Variants in LRCH3 observed in about 807,000 individuals in gnomAD.
LRCH3 encodes the protein leucine rich repeats and calponin homology domain containing 3.
A neutral mutation model predicts 104.5 loss-of-function variants in LRCH3; 68 were observed. The ratio of observed to expected loss-of-function variants is 0.65; its 90% CI spans 0.54 to 0.80. The LOEUF is 0.80. Ranked by LOEUF, LRCH3 falls within the 30% of genes least tolerant of loss-of-function variation. The pLI, the probability that LRCH3 is intolerant of heterozygous loss-of-function variation, is 0.00. For missense variants in LRCH3, 951 were observed against 953.9 expected, an observed-to-expected ratio of 1.00 and a Z score of 0.04; for synonymous variants, 344 against 361.3, an observed-to-expected ratio of 0.95 and a Z score of 0.54.
At chr3:197,836,077 G>T (rs1736754043) in intron 9 of LRCH3, among the ~76,000 whole-genome samples, 1 of 152,140 alleles carries the variant, frequency 6.6e-6, no homozygotes, top group Admixed American at 6.5e-5. Flanking sequence ...AAGAAGTCTA[G>T]GTACTGTTAA....
At chr3:197,816,771 TAA>T (rs1733850557) in intron 2 of LRCH3, among the ~76,000 whole-genome samples, 1 of 152,226 alleles carries the variant, frequency 6.6e-6, no homozygotes, top group Non-Finnish European at 1.5e-5. Flanking sequence ...AAGTAGATTA[TAA>T]GTTTTGTTTA....
chr3:197,799,331 T>G (rs887067782), intron 1 of LRCH3, among the ~76,000 whole-genome samples: 2 of 152,232 alleles, frequency 1.3e-5, no homozygotes, highest in Non-Finnish European at 2.9e-5. Context: ...AATGTGGTAA[T>G]TCACACAAAG....
At chr3:197,817,129 T>C (rs905254944) in intron 2 of LRCH3, 47 bp from the exon 3 acceptor site, 1 of 1,536,066 alleles carries the variant, frequency 6.5e-7, no homozygotes. Context: ...AAAATTTTTC[T>C]TCAGTGGTGG....
At chr3:197,792,771 C>T (rs1730764633) in intron 1 of LRCH3, among the ~76,000 whole-genome samples, 1 of 150,460 alleles carries the variant, frequency 6.6e-6, no homozygotes, top group Non-Finnish European at 1.5e-5. Flanking sequence ...CCCACCTCAG[C>T]CTCCCGAGTA....
intron 20 of LRCH3, among the ~76,000 whole-genome samples, chr3:197,880,114 T>A (rs1278081039): frequency 6.7e-6 from 1 of 150,134 alleles, no homozygotes; most frequent in Non-Finnish European, 1.5e-5. Context: ...CCCGGCTAAT[T>A]TTTTGTATTT....
chr3:197,878,550 G>T (rs936594057), intron 20 of LRCH3, among the ~76,000 whole-genome samples: 1 of 152,132 alleles, frequency 6.6e-6, no homozygotes, highest in African/African-American at 2.4e-5. Context: ...TCACCAGAAA[G>T]AGGAAATGGA....
chr3:197,813,629 C>G lies in LRCH3; in HGVS notation c.263-1279C>G, dbSNP rs113499718. Reference sequence around the variant, plus strand: ...CACTGCAACCTCTGCCTCCCAGGTTCAAGCGATTCTCCTGCCTCAGCCTCC... The same window carrying G: ...CACTGCAACCTCTGCCTCCCAGGTTGAAGCGATTCTCCTGCCTCAGCCTCC... On this transcript the variant is annotated intron_variant, in intron 1 of 20. Transcript: ENST00000425562. Among the ~76,000 whole-genome samples the G allele has an allele frequency of 3.3e-4, 44 of 134,410 alleles. 1 individual carries two copies. Among genetic ancestry groups the G allele is most frequent in the African/African-American group, 1.2e-3 (43 of 36,842 alleles). 88.2% of individuals were successfully genotyped at this position (134,410 alleles called of 152,430 possible). A position where few individuals can be genotyped will look rare whatever the true frequency, so the allele number is the denominator to read the frequency against.
At chr3:197,835,577 G>T in intron 8 of LRCH3, 97 bp from the exon 9 acceptor site, 1 of 1,325,114 alleles carries the variant, frequency 7.5e-7, no homozygotes, top group South Asian at 2.3e-5. Context: ...AAAATCATGG[G>T]GAAAAGGAAA....
At chr3:197,855,417 C>T (rs900846826) in intron 14 of LRCH3, among the ~76,000 whole-genome samples, 1 of 152,206 alleles carries the variant, frequency 6.6e-6, no homozygotes, top group Non-Finnish European at 1.5e-5. Flanking sequence ...ACGATCCAAA[C>T]ACTTACCAAA....
At chr3:197,832,685 C>CCT (rs1736118029) in intron 8 of LRCH3, among the ~76,000 whole-genome samples, 1 of 129,822 alleles carries the variant, frequency 7.7e-6, no homozygotes, top group Admixed American at 7.7e-5. Flanking sequence ...GAATTTAGTC[C>CCT]TTTTTTTTTT....
Position 197,844,767 on chromosome 3 carries a change from A to G in LRCH3, c.1329-2642A>G, listed in dbSNP as rs555716006. On this transcript the variant is annotated intron_variant, in intron 10 of 20. Coordinates refer to ENST00000425562, the MANE Select transcript of LRCH3 (RefSeq NM_001365715.1). ...TGAGTAGCTGGGACTACAGGCGCGCACCACCACACCTGGCCAGTTTTTCGT... is the reference window on the plus strand; with the variant it reads ...TGAGTAGCTGGGACTACAGGCGCGCGCCACCACACCTGGCCAGTTTTTCGT... 1.3e-3 allele frequency among the ~76,000 whole-genome samples: 203 copies of G among 151,960 alleles called. 1 individual carries two copies. The highest frequency in any genetic ancestry group is 4.5e-3 in the African/African-American group (187 of 41,448).
At chr3:197,842,385 A>T (rs1007301582) in intron 10 of LRCH3, among the ~76,000 whole-genome samples, 5 of 152,212 alleles carry the variant, frequency 3.3e-5, no homozygotes, top group Non-Finnish European at 7.3e-5. Flanking sequence ...ACCTAAAAAG[A>T]CACAGTCGCC....
intron 1 of LRCH3, among the ~76,000 whole-genome samples, chr3:197,801,723 G>A (rs779012457): frequency 7.9e-5 from 12 of 152,016 alleles, no homozygotes; most frequent in Non-Finnish European, 1.5e-4. Context: ...TTAGTTTTCT[G>A]TTGCTAAATA....
intron 12 of LRCH3, 35 bp downstream of exon 12, chr3:197,848,056 A>C: frequency 6.2e-7 from 1 of 1,610,426 alleles, no homozygotes; most frequent in Non-Finnish European, 8.5e-7. Context: ...CAAGCTGCTG[A>C]CTGGCTAAGT....
rs941487768 is a variant in LRCH3 at position 197,835,887 on chromosome 3, A to G, written c.1251+65A>G. On this transcript the variant is annotated intron_variant, in intron 9 of 20. Transcript: ENST00000425562. ...TCATAAAAATAATTCATAATAGTATAAAGTTTTGTTATATCAGTGATTTGT... is the reference window on the plus strand; with the variant it reads ...TCATAAAAATAATTCATAATAGTATGAAGTTTTGTTATATCAGTGATTTGT... 6.5e-6 allele frequency: 10 copies of G among 1,543,516 alleles called. No individual in the cohort carries two copies. The African/African-American group carries it at 1.1e-4, about 17-fold the overall frequency.
Position 197,848,197 on chromosome 3 carries a change from A to G in LRCH3, c.1530+176A>G, listed in dbSNP as rs1739041458. On this transcript the variant is annotated intron_variant, in intron 12 of 20. Transcript: ENST00000425562. Reference sequence around the variant, plus strand: ...TGTCTATCTGCATGAGGACAGAACAAGTGATTATCTTGTTAACGGTAAATC... The same window carrying G: ...TGTCTATCTGCATGAGGACAGAACAGGTGATTATCTTGTTAACGGTAAATC... The G allele has an allele frequency of 5.1e-6, 3 of 590,958 alleles. No homozygotes were observed. The East Asian group carries it at 8.8e-5, about 17-fold the overall frequency. The allele number at this position is 590,958 out of a possible 1,614,324, so 36.6% of individuals were successfully genotyped here.
chr3:197,868,499 C>G (rs1711616362), intron 17 of LRCH3, among the ~76,000 whole-genome samples: 1 of 152,194 alleles, frequency 6.6e-6, no homozygotes, highest in African/African-American at 2.4e-5. Flanking sequence ...CTATGACCAG[C>G]AGTTTTACTT....
intron 9 of LRCH3, among the ~76,000 whole-genome samples, chr3:197,836,378 C>T (rs1560561296): frequency 6.6e-6 from 1 of 152,204 alleles, no homozygotes; most frequent in Non-Finnish European, 1.5e-5. Context: ...AACAAATGTG[C>T]ATTCAGCCCA....
intron 10 of LRCH3, among the ~76,000 whole-genome samples, chr3:197,842,562 C>T (rs570383316): frequency 9.9e-5 from 15 of 152,144 alleles, no homozygotes; most frequent in South Asian, 8.3e-4. Context: ...CTTGCTTACC[C>T]GTTTTTTTCT....
Sources: allele counts gnomAD v4.1 joint callset (sites outside exome capture counted in the v4.1 genomes callset), GRCh38; gene constraint gnomAD v4.1.1; transcripts MANE v1.5; gene names NCBI Gene and HGNC (gene_info 2026-07-23, HGNC 2026-07-21).